The following SLC35E3 variants were observed in gnomAD, a reference collection of about 807,000 sequenced individuals.
SLC35E3 encodes solute carrier family 35 member E3, also known as bladder cancer-overexpressed gene 1 protein.
Under a neutral mutation model 30.8 loss-of-function variants are expected in SLC35E3, and 28 were observed. That is an observed-to-expected ratio of 0.91 (90% CI 0.67 to 1.25). The LOEUF is 1.25. SLC35E3 is among the 50% of genes most tolerant of loss of function. The pLI is 0.00. For synonymous variants in SLC35E3, 146 were observed against 149.2 expected, an observed-to-expected ratio of 0.98 and a Z score of 0.16; for missense variants, 365 against 375.4, an observed-to-expected ratio of 0.97 and a Z score of 0.23.
At chr12:68,757,228 C>A (rs1368076544) in intron 3 of SLC35E3, among the ~76,000 whole-genome samples, 1 of 152,158 alleles carries the variant, frequency 6.6e-6, no homozygotes, top group African/African-American at 2.4e-5. Flanking sequence ...TGGAACAAGA[C>A]AAGGATGCCC....
intron 3 of SLC35E3, among the ~76,000 whole-genome samples, chr12:68,753,034 T>A (rs956621756): frequency 1.3e-5 from 2 of 149,806 alleles, no homozygotes; most frequent in Non-Finnish European, 2.9e-5. Flanking sequence ...TAATCCCAGC[T>A]ACTCAAGGAG....
At chr12:68,748,841 C>T (rs2136065813) in intron 2 of SLC35E3, among the ~76,000 whole-genome samples, 1 of 152,178 alleles carries the variant, frequency 6.6e-6, no homozygotes, top group South Asian at 2.1e-4. Context: ...CACAAACATC[C>T]ACTGGTTATT....
In SLC35E3 at chr12:68,775,273, C is replaced by T. The variant is rs1406148462; in HGVS notation, c.*10383C>T. 6.6e-6 allele frequency: 1 copy of T among 152,202 alleles called. No homozygotes were observed. The highest frequency in any genetic ancestry group is 1.5e-5 in the Non-Finnish European group (1 of 68,036). The allele number at this position is 152,202 out of a possible 1,614,324, so 9.4% of individuals were successfully genotyped here. A position where few individuals can be genotyped will look rare whatever the true frequency, so the allele number is the denominator to read the frequency against. On this transcript the variant is annotated 3_prime_UTR_variant, in exon 5 of 5. Transcript: ENST00000398004. ...TGGAACTCAGGAAGCAACAACTAAG[C>T]GTACTCGTTGTCTTAGTCCATTTTG...
Position 68,747,858 on chromosome 12 carries a change from A to G in SLC35E3, c.403-72A>G, listed in dbSNP as rs1374591713. The G allele has an allele frequency of 6.7e-6, 5 of 746,764 alleles. No homozygotes were observed. In the African/African-American group the frequency reaches 8.7e-5, roughly 13 times the overall value. 46.3% of individuals were successfully genotyped at this position (746,764 alleles called of 1,614,324 possible). On this transcript the variant is annotated intron_variant, in intron 1 of 4. Transcript: ENST00000398004. ...GTGTTTATCATTAGCCTTGTAAGAC[A>G]TTGTGAAAGGAATACTAAATTTTTG...
intron 3 of SLC35E3, among the ~76,000 whole-genome samples, chr12:68,755,572 T>C (rs906280434): frequency 6.6e-6 from 1 of 152,252 alleles, no homozygotes; most frequent in Non-Finnish European, 1.5e-5. Context: ...TTTTGGCTTA[T>C]GGTTCTGCAG....
intron 2 of SLC35E3, among the ~76,000 whole-genome samples, chr12:68,749,999 G>C (rs533482335): frequency 1.3e-5 from 2 of 152,196 alleles, no homozygotes; most frequent in Admixed American, 6.5e-5. Context: ...GGGAAGGAAG[G>C]GTAAAAGGCA....
rs1462219993 is a variant in SLC35E3 at position 68,766,871 on chromosome 12, C to T, written c.*1981C>T. On this transcript the variant is annotated 3_prime_UTR_variant, in exon 5 of 5. Transcript: ENST00000398004. ...AAGTGCTGGGATTACAGGCCTGAGC[C>T]ACCACACCTGGCCAGTAATTTCTTA... is the stretch of plus-strand genomic sequence containing the variant. 2.4e-6 allele frequency: 1 copy of T among 409,312 alleles called. No homozygotes were observed. Among genetic ancestry groups the T allele is most frequent in the South Asian group, 1.8e-5 (1 of 56,084 alleles). 25.4% of individuals were successfully genotyped at this position (409,312 alleles called of 1,614,324 possible). A position where few individuals can be genotyped will look rare whatever the true frequency, so the allele number is the denominator to read the frequency against.
chr12:68,752,341 T>C (rs1878835828), intron 3 of SLC35E3, 151 bp downstream of exon 3: 1 of 866,260 alleles, frequency 1.2e-6, no homozygotes, highest in African/African-American at 1.7e-5. Context: ...AAGGATTCTT[T>C]TTCAGATGAA....
At chr12:68,746,923 AT>A in intron 1 of SLC35E3, 144 bp downstream of exon 1, 1 of 926,286 alleles carries the variant, frequency 1.1e-6, no homozygotes, top group Non-Finnish European at 1.6e-6. Flanking sequence ...TTTTAGGCTT[AT>A]TTTAGGGAGG....
At chr12:68,747,394 C>T (rs112211049) in intron 1 of SLC35E3, among the ~76,000 whole-genome samples, 4 of 151,966 alleles carry the variant, frequency 2.6e-5, no homozygotes, top group East Asian at 1.9e-4. Flanking sequence ...CTCAGCCTCC[C>T]GAGTAGCTGG....
chr12:68,749,503 A>G lies in SLC35E3; in HGVS notation c.513+1463A>G, dbSNP rs745525642. On this transcript the variant is annotated intron_variant, in intron 2 of 4. Coordinates refer to ENST00000398004, the MANE Select transcript of SLC35E3 (RefSeq NM_018656.5). ...CAGACATCTTTTCTGCATTATGTTC[A>G]CCCTTGAGGATACAAAGATGAAAAG... 5.4e-4 allele frequency among the ~76,000 whole-genome samples: 82 copies of G among 152,146 alleles called. 3 individuals are homozygous for G. The highest frequency in any genetic ancestry group is 4.6e-4 in the Admixed American group (7 of 15,272).
intron 4 of SLC35E3, among the ~76,000 whole-genome samples, chr12:68,764,202 CT>C (rs1461471980): frequency 5.9e-5 from 9 of 152,260 alleles, no homozygotes; most frequent in South Asian, 4.1e-4. Flanking sequence ...TATCCCTTTT[CT>C]TTTTTGGAGG....
In SLC35E3 at chr12:68,765,900, A is replaced by G. The variant is rs1282299102; in HGVS notation, c.*1010A>G. 6.6e-6 allele frequency: 1 copy of G among 151,568 alleles called. No individual in the cohort carries two copies. The highest frequency in any genetic ancestry group is 2.4e-5 in the African/African-American group (1 of 41,224). 9.4% of individuals were successfully genotyped at this position (151,568 alleles called of 1,614,324 possible). A position where few individuals can be genotyped will look rare whatever the true frequency, so the allele number is the denominator to read the frequency against. ...CAAACTCTTCTAAGGAAGGACACACAGTAGCTCTCTGCTTGCTGATAGATG... is the reference window on the plus strand; with the variant it reads ...CAAACTCTTCTAAGGAAGGACACACGGTAGCTCTCTGCTTGCTGATAGATG... On this transcript the variant is annotated 3_prime_UTR_variant, in exon 5 of 5. Transcript: ENST00000398004.
intron 3 of SLC35E3, among the ~76,000 whole-genome samples, chr12:68,756,144 T>A (rs1348769842): frequency 6.6e-6 from 1 of 152,112 alleles, no homozygotes; most frequent in African/African-American, 2.4e-5. Flanking sequence ...CATTGGACCA[T>A]CTATCAGATA....
chr12:68,746,679 G>A lies in SLC35E3; in HGVS notation c.302G>A (p.Gly101Asp). The change falls in exon 1 of 5, where the codon GGC becomes GAC. Residue 101 changes from glycine (G) to aspartate (D), a missense_variant. Gly to Asp is a moderately conservative substitution (Grantham distance 94). Coordinates refer to ENST00000398004, the MANE Select transcript of SLC35E3 (RefSeq NM_018656.5). ...TNLSLQNNTI[G>D]TYQLAKAMTT... ...CTTTCTCTGCAGAACAACACCATAG[G>A]CACCTATCAGCTGGCCAAGGCCATG... The A allele has an allele frequency of 6.2e-7, 1 of 1,614,190 alleles. No individual in the cohort carries two copies. The highest frequency in any genetic ancestry group is 8.5e-7 in the Non-Finnish European group (1 of 1,180,038).
intron 4 of SLC35E3, among the ~76,000 whole-genome samples, chr12:68,760,946 G>A (rs188783364): frequency 1.3e-5 from 2 of 152,214 alleles, no homozygotes; most frequent in African/African-American, 4.8e-5. Flanking sequence ...TCTAGGCAGG[G>A]CTAGTCAGGA....
At position 68,779,071 on chromosome 12, in the gene SLC35E3, A is replaced by G. The variant is rs1056137481; in HGVS notation, c.*14181A>G. On this transcript the variant is annotated 3_prime_UTR_variant, in exon 5 of 5. Transcript: ENST00000398004. ...AATGAGCCACTGCACTCCAGACTGC[A>G]TTCCAGCCTGGGCGACAGAACAAGA... 5.9e-5 allele frequency: 9 copies of G among 152,380 alleles called. No homozygotes were observed. The highest frequency in any genetic ancestry group is 2.2e-4 in the African/African-American group (9 of 41,452). 9.4% of individuals were successfully genotyped at this position (152,380 alleles called of 1,614,324 possible). A position where few individuals can be genotyped will look rare whatever the true frequency, so the allele number is the denominator to read the frequency against.
At chr12:68,753,806 C>CCACACACA (rs765396545) in intron 3 of SLC35E3, among the ~76,000 whole-genome samples, 3 of 23,370 alleles carry the variant, frequency 1.3e-4, no homozygotes, top group Non-Finnish European at 2.9e-4. Flanking sequence ...CCGTATATAT[C>CCACACACA]CATACACACA....
rs1879808193 is a variant in SLC35E3 at position 68,778,747 on chromosome 12, A to G, written c.*13857A>G. ...AGAGGTTGCAGTGAACCATGGTCGCACCACTTCACTCCAGCCTGGACAAAA... is the reference window on the plus strand; with the variant it reads ...AGAGGTTGCAGTGAACCATGGTCGCGCCACTTCACTCCAGCCTGGACAAAA... On this transcript the variant is annotated 3_prime_UTR_variant, in exon 5 of 5. Coordinates refer to ENST00000398004, the MANE Select transcript of SLC35E3 (RefSeq NM_018656.5). The G allele has an allele frequency of 6.6e-6, 1 of 150,580 alleles. No individual in the cohort carries two copies. Among genetic ancestry groups the G allele is most frequent in the Non-Finnish European group, 1.5e-5 (1 of 67,762 alleles). The allele number at this position is 150,580 out of a possible 1,614,324, so 9.3% of individuals were successfully genotyped here.
Sources: gnomAD v4.1 joint callset for allele counts (sites outside exome capture counted in the v4.1 genomes callset) on GRCh38, gnomAD v4.1.1 for gene constraint, MANE v1.5 for transcripts, NCBI Gene and HGNC (gene_info 2026-07-23, HGNC 2026-07-21) for gene names.